The following ZGRF1 variants were observed in gnomAD, a reference collection of about 807,000 sequenced individuals.
ZGRF1 encodes zinc finger GRF-type containing 1, also known as 5'-3' DNA helicase ZGRF1.
ZGRF1 carries 196 observed loss-of-function variants against 203.5 expected under a neutral mutation model. The ratio of observed to expected loss-of-function variants is 0.96; its 90% CI spans 0.86 to 1.08. ZGRF1 has a LOEUF of 1.08. Ranked by LOEUF, ZGRF1 falls within the 50% of genes least tolerant of loss-of-function variation. The pLI is 0.00. For missense variants in ZGRF1, 2,326 were observed against 2,416.3 expected, an observed-to-expected ratio of 0.96 and a Z score of 0.78; for synonymous variants, 809 against 841.3, an observed-to-expected ratio of 0.96 and a Z score of 0.66.
At chr4:112,630,185 G>C (rs936210693) in intron 3 of ZGRF1, among the ~76,000 whole-genome samples, 1 of 152,138 alleles carries the variant, frequency 6.6e-6, no homozygotes, top group African/African-American at 2.4e-5. Context: ...TTAATTTGCT[G>C]TTTTAACAAA....
intron 1 of ZGRF1, among the ~76,000 whole-genome samples, chr4:112,635,629 A>G (rs2047582690): frequency 6.7e-6 from 1 of 148,904 alleles, no homozygotes; most frequent in Non-Finnish European, 1.5e-5. Flanking sequence ...ATATATAACT[A>G]TATTACTGTA....
chr4:112,570,481 G>C (rs1386410967), intron 16 of ZGRF1, among the ~76,000 whole-genome samples: 1 of 151,980 alleles, frequency 6.6e-6, no homozygotes, highest in Non-Finnish European at 1.5e-5. Context: ...CCAGCTACTT[G>C]GGAGGCTGAG....
intron 3 of ZGRF1, chr4:112,628,669 C>G: frequency 2.2e-6 from 1 of 456,138 alleles, no homozygotes; most frequent in Non-Finnish European, 4.4e-6. Context: ...TCTTGTTTTC[C>G]TATAACCTAC....
At chr4:112,624,100 G>T (rs2047150643) in intron 3 of ZGRF1, 2 of 356,488 alleles carry the variant, frequency 5.6e-6, no homozygotes, top group Non-Finnish European at 1.0e-5. Flanking sequence ...AACCCGCTCG[G>T]GTCCCCTTCC....
At position 112,618,049 on chromosome 4, in the gene ZGRF1, G is replaced by T; in HGVS notation, c.1993C>A (p.Pro665Thr). Residue 665 changes from proline to threonine, a missense_variant, in exon 6 of 28, where the codon CCT becomes ACT. Physicochemically the swap from Pro to Thr is conservative, Grantham distance 38. Coordinates refer to ENST00000505019, the MANE Select transcript of ZGRF1 (RefSeq NM_018392.5). ...TAGTTAATTCTGACTTCTTGAATAGGTTTATTAGCATCTTCTTTATTATCT... is the reference window on the plus strand; with the variant it reads ...TAGTTAATTCTGACTTCTTGAATAGTTTTATTAGCATCTTCTTTATTATCT... ...YGDNKEDANK[P>T]IQEVRINYDF... The T allele has an allele frequency of 6.2e-7, 1 of 1,613,410 alleles. No individual in the cohort carries two copies. Among genetic ancestry groups the T allele is most frequent in the Non-Finnish European group, 8.5e-7 (1 of 1,179,786 alleles).
chr4:112,618,483 A>C lies in ZGRF1; in HGVS notation c.1559T>G (p.Leu520Arg), dbSNP rs373897964. The C allele has an allele frequency of 1.9e-6, 3 of 1,613,384 alleles. No homozygotes were observed. The African/African-American group carries it at 4.0e-5, about 22-fold the overall frequency. ...NESLNSIHESLSNVTQPFLEV... is the reference protein window; with the variant it reads ...NESLNSIHESRSNVTQPFLEV... The stretch of plus-strand genomic sequence containing the variant: ...CAAAAATGGTTGTGTTACATTACTC[A>C]GAGATTCATGAATACTATTAAGACT... The change falls in exon 6 of 28, where the codon CTG (leucine) becomes CGG (arginine). Residue 520 changes from leucine (L) to arginine (R), a missense_variant. By Grantham distance (102) the Leu-to-Arg change is moderately radical. Transcript: ENST00000505019.
Position 112,587,317 on chromosome 4 carries a change from C to T in ZGRF1, c.3740G>A (p.Gly1247Glu). 2 of 1,612,444 alleles carry T rather than the reference C, an allele frequency of 1.2e-6. No homozygotes were observed. The highest frequency in any genetic ancestry group is 1.7e-5 in the Admixed American group (1 of 59,908). The change falls in exon 12 of 28, where the codon GGG becomes GAG. Residue 1247 changes from glycine to glutamate, a missense_variant. Transcript: ENST00000505019. The stretch of plus-strand genomic sequence containing the variant: ...TACACTGTAGTTGTAGCAGGTAGAC[C>T]CTCCTAATACATTTTTAATTTCCTC... ...KTEEIKNVLGGSTCYNYSVKD... is the reference protein window; with the variant it reads ...KTEEIKNVLGESTCYNYSVKD...
At chr4:112,561,059 T>C (rs754107624) in intron 18 of ZGRF1, 64 bp from the exon 19 acceptor site, 1 of 1,274,846 alleles carries the variant, frequency 7.8e-7, no homozygotes, top group Admixed American at 2.0e-5. Context: ...ATGAGTAGAA[T>C]AATTCATAAC....
rs1477328435 is a variant in ZGRF1, at chr4:112,618,564, G to C, written c.1478C>G (p.Ser493Cys). 6.2e-7 allele frequency: 1 copy of C among 1,613,454 alleles called. No homozygotes were observed. Among genetic ancestry groups the C allele is most frequent in the Non-Finnish European group, 8.5e-7 (1 of 1,179,744 alleles). ...KHLQIESSNN[S>C]RISDDITDMI... ...GTCTGTAATGTCATCAGAGATCCTA[G>C]AATTATTACTAGATTCAATTTGGAG... is the stretch of plus-strand genomic sequence containing the variant. The change falls in exon 6 of 28, where the codon TCT becomes TGT. Residue 493 changes from serine (S) to cysteine (C), a missense_variant. Physicochemically the swap from Ser to Cys is moderately radical, Grantham distance 112. Transcript: ENST00000505019.
At chr4:112,612,950 T>A (rs2046740175) in intron 6 of ZGRF1, among the ~76,000 whole-genome samples, 1 of 79,118 alleles carries the variant, frequency 1.3e-5, no homozygotes, top group African/African-American at 4.4e-5. Context: ...GGACAACTGT[T>A]AGGAAAGAAA....
rs1312851191 is a variant in ZGRF1, at chr4:112,620,092, A to G, written c.261T>C (p.Asn87=). ...TTGAATTTAACTCTGGTGCTTCTTT[A>G]TTGACATTCTGCTTAACAATACCTA... ...GAIGIVKQNV[N]KEAPELNSRT... The change falls in exon 5 of 28, where the codon AAT becomes AAC. Residue 87 remains asparagine, a synonymous_variant. Coordinates refer to ENST00000505019, the MANE Select transcript of ZGRF1 (RefSeq NM_018392.5). 12 of 1,613,316 alleles carry G rather than the reference A, an allele frequency of 7.4e-6. No homozygotes were observed. Among genetic ancestry groups the G allele is most frequent in the African/African-American group, 1.3e-5 (1 of 74,920 alleles).
At chr4:112,622,606 C>G (rs1354418213) in intron 4 of ZGRF1, among the ~76,000 whole-genome samples, 2 of 151,784 alleles carry the variant, frequency 1.3e-5, no homozygotes, top group East Asian at 3.9e-4. Flanking sequence ...TCAGACCGAC[C>G]CTGTAAAATC....
rs750728189 is a variant in ZGRF1 at position 112,618,818 on chromosome 4, T to A, written c.1224A>T (p.Ser408=). 6.2e-7 allele frequency: 1 copy of A among 1,613,126 alleles called. No homozygotes were observed. Among genetic ancestry groups the A allele is most frequent in the Non-Finnish European group, 8.5e-7 (1 of 1,179,760 alleles). Residue 408 remains serine, a synonymous_variant, in exon 6 of 28, where the codon TCA becomes TCT. Coordinates refer to ENST00000505019, the MANE Select transcript of ZGRF1 (RefSeq NM_018392.5). ...WNQEVKLEIP[S]FNESSSLQVT... The stretch of plus-strand genomic sequence containing the variant: ...CCTGTAAGCTACTGCTTTCATTGAA[T>A]GAAGGAATTTCTAATTTTACTTCCT...
chr4:112,599,920 C>T (rs906061342), intron 10 of ZGRF1, among the ~76,000 whole-genome samples: 2 of 152,186 alleles, frequency 1.3e-5, no homozygotes, highest in African/African-American at 2.4e-5. Flanking sequence ...TGTAACTTTA[C>T]ATAAAATGTA....
chr4:112,613,620 G>A (rs2046769602), intron 6 of ZGRF1, among the ~76,000 whole-genome samples: 2 of 152,156 alleles, frequency 1.3e-5, no homozygotes, highest in South Asian at 4.1e-4. Flanking sequence ...TAACATTTAA[G>A]TTGAGATGAA....
chr4:112,618,201 C>T lies in ZGRF1; in HGVS notation c.1841G>A (p.Cys614Tyr), dbSNP rs765708696. ...PVKETLPSQF[C>Y]DKTYVGFDMG... ...GTCAAAACCCACATAAGTTTTATCA[C>T]AAAACTGTGATGGCAGAGTCTCTTT... is the stretch of plus-strand genomic sequence containing the variant. Residue 614 changes from cysteine (C) to tyrosine (Y), a missense_variant, in exon 6 of 28, where the codon TGT (cysteine) becomes TAT (tyrosine). Coordinates refer to ENST00000505019, the MANE Select transcript of ZGRF1 (RefSeq NM_018392.5). 4.3e-6 allele frequency: 7 copies of T among 1,613,758 alleles called. 1 individual carries two copies. In the South Asian group the frequency reaches 7.7e-5, roughly 18 times the overall value.
chr4:112,633,164 C>T lies in ZGRF1; in HGVS notation c.13G>A (p.Glu5Lys), dbSNP rs772662372. MESQ[E>K]FIVLYTHQKM... Reference sequence around the variant, plus strand: ...AAAATGGTAAAACTTACAATAAATTCTTGGCTTTCCATTATTTCTTCTGAA... The same window carrying T: ...AAAATGGTAAAACTTACAATAAATTTTTGGCTTTCCATTATTTCTTCTGAA... The change falls in exon 2 of 28, where the codon GAA (glutamate) becomes AAA (lysine). Residue 5 changes from glutamate (E) to lysine (K), a missense_variant. Transcript: ENST00000505019. The T allele has an allele frequency of 9.3e-6, 15 of 1,609,798 alleles. No individual in the cohort carries two copies. The highest frequency in any genetic ancestry group is 1.3e-5 in the Non-Finnish European group (15 of 1,177,168).
intron 6 of ZGRF1, 84 bp downstream of exon 6, chr4:112,617,356 G>A: frequency 1.0e-6 from 1 of 978,056 alleles, no homozygotes; most frequent in Non-Finnish European, 1.5e-6. Flanking sequence ...ATTCTTTAAT[G>A]TATCACCCAG....
chr4:112,569,427 C>T (rs978235664), intron 16 of ZGRF1, among the ~76,000 whole-genome samples: 1 of 152,164 alleles, frequency 6.6e-6, no homozygotes, highest in Non-Finnish European at 1.5e-5. Flanking sequence ...CATTCTGGAG[C>T]AGCTCCTCAG....
Sources: allele counts gnomAD v4.1 joint callset (sites outside exome capture counted in the v4.1 genomes callset), GRCh38; gene constraint gnomAD v4.1.1; transcripts MANE v1.5; gene names NCBI Gene and HGNC (gene_info 2026-07-23, HGNC 2026-07-21).